The following ZNF407 variants were observed in gnomAD, a reference collection of about 807,000 sequenced individuals.
ZNF407 encodes zinc finger protein 407.
A neutral mutation model predicts 131.2 loss-of-function variants in ZNF407; 17 were observed. That is an observed-to-expected ratio of 0.13 (90% CI 0.09 to 0.19). ZNF407 has a LOEUF of 0.19. Among genes scored for constraint, ZNF407 ranks in the 10% least tolerant of loss-of-function variants. ZNF407 has a pLI of 1.00. For synonymous variants in ZNF407, 1,156 were observed against 1,062.0 expected, an observed-to-expected ratio of 1.09 and a Z score of -1.72; for missense variants, 2,681 against 2,830.6, an observed-to-expected ratio of 0.95 and a Z score of 1.20.
chr18:74,995,844 A>G (rs1972774493), intron 8 of ZNF407, among the ~76,000 whole-genome samples: 1 of 152,148 alleles, frequency 6.6e-6, no homozygotes, highest in Non-Finnish European at 1.5e-5. Flanking sequence ...GGAAATCTAT[A>G]TGCATTCAGA....
Position 74,635,821 on chromosome 18 carries a change from C to T in ZNF407, c.4687+115C>T. On this transcript the variant is annotated intron_variant, in intron 2 of 8. Coordinates refer to ENST00000299687, the MANE Select transcript of ZNF407 (RefSeq NM_017757.3). The surrounding 1 kb of genome is among the most constrained non-coding windows in gnomAD (Gnocchi z 4.7). Reference sequence around the variant, plus strand: ...GGCTTTCCACCCGGTTCACATTTCACTGCCGTGTGCTGCTCTGCTTGTCTG... The same window carrying T: ...GGCTTTCCACCCGGTTCACATTTCATTGCCGTGTGCTGCTCTGCTTGTCTG... The T allele has an allele frequency of 7.4e-7, 1 of 1,353,962 alleles. No individual in the cohort carries two copies. Among genetic ancestry groups the T allele is most frequent in the East Asian group, 2.3e-5 (1 of 42,832 alleles). 83.9% of individuals were successfully genotyped at this position (1,353,962 alleles called of 1,614,324 possible). A position where few individuals can be genotyped will look rare whatever the true frequency, so the allele number is the denominator to read the frequency against.
intron 3 of ZNF407, among the ~76,000 whole-genome samples, chr18:74,761,422 T>C (rs1227173497): frequency 6.6e-6 from 1 of 152,142 alleles, no homozygotes. Flanking sequence ...CTATATCCCT[T>C]AGCACAATTT....
Position 74,708,901 on chromosome 18 carries a change from T to C in ZNF407, c.4802+67779T>C, listed in dbSNP as rs554391042. On this transcript the variant is annotated intron_variant, in intron 3 of 8. Transcript: ENST00000299687. Reference sequence around the variant, plus strand: ...TGCCCAGGCATGGCGCATCAAAGTTTGTCAGCTGCATTGCCTCAGCAGGCT... The same window carrying C: ...TGCCCAGGCATGGCGCATCAAAGTTCGTCAGCTGCATTGCCTCAGCAGGCT... Among the ~76,000 whole-genome samples, 12 of 152,382 alleles carry C rather than the reference T, an allele frequency of 7.9e-5. No individual in the cohort carries two copies. The South Asian group carries it at 2.5e-3, about 32-fold the overall frequency.
At chr18:74,844,009 T>C (rs1221096800) in intron 4 of ZNF407, among the ~76,000 whole-genome samples, 1 of 152,142 alleles carries the variant, frequency 6.6e-6, no homozygotes, top group East Asian at 1.9e-4. Flanking sequence ...TAGATGAAAG[T>C]GTTGAATTTC....
At chr18:75,015,581 CATATAT>C (rs34475257) in intron 8 of ZNF407, among the ~76,000 whole-genome samples, 1 of 145,100 alleles carries the variant, frequency 6.9e-6, no homozygotes, top group Non-Finnish European at 1.5e-5. Context: ...TATATATTTA[CATATAT>C]ATATATATAT....
chr18:74,710,931 T>C (rs1189655872), intron 3 of ZNF407, among the ~76,000 whole-genome samples: 1 of 152,186 alleles, frequency 6.6e-6, no homozygotes, highest in African/African-American at 2.4e-5. Context: ...TCTAATGTCC[T>C]GTCAGAATGA....
At chr18:74,777,458 C>T (rs1969496555) in intron 3 of ZNF407, among the ~76,000 whole-genome samples, 1 of 152,094 alleles carries the variant, frequency 6.6e-6, no homozygotes, top group South Asian at 2.1e-4. Context: ...GTAGAGTTGG[C>T]CTCCTGTTCC....
intron 8 of ZNF407, among the ~76,000 whole-genome samples, chr18:74,938,861 A>G (rs766827222): frequency 6.6e-5 from 10 of 152,216 alleles, no homozygotes; most frequent in Non-Finnish European, 7.3e-5. Context: ...TCTGTTCACA[A>G]AGGAACTTGC....
chr18:74,783,842 T>C (rs1969655110), intron 4 of ZNF407, among the ~76,000 whole-genome samples: 1 of 152,230 alleles, frequency 6.6e-6, no homozygotes, highest in South Asian at 2.1e-4. Flanking sequence ...GAATTGTTTT[T>C]CCTTTTAAAA....
chr18:74,667,703 G>A (rs763038953), intron 3 of ZNF407, among the ~76,000 whole-genome samples: 4 of 152,150 alleles, frequency 2.6e-5, no homozygotes, highest in Non-Finnish European at 5.9e-5. Context: ...ATCTAAGGTC[G>A]TCTTGACAAG....
intron 3 of ZNF407, among the ~76,000 whole-genome samples, chr18:74,679,513 G>C (rs563128163): frequency 6.6e-6 from 1 of 152,302 alleles, no homozygotes; most frequent in Admixed American, 6.5e-5. Flanking sequence ...TGCATGCATT[G>C]AAAAATAATT....
intron 8 of ZNF407, among the ~76,000 whole-genome samples, chr18:75,026,921 G>C (rs535126409): frequency 6.6e-6 from 1 of 152,324 alleles, no homozygotes; most frequent in East Asian, 1.9e-4. Context: ...CCTGTGTGAA[G>C]TACAGGACTA....
At chr18:74,744,804 T>A (rs546913518) in intron 3 of ZNF407, among the ~76,000 whole-genome samples, 1 of 152,156 alleles carries the variant, frequency 6.6e-6, no homozygotes, top group Non-Finnish European at 1.5e-5. Flanking sequence ...ACATTACTAA[T>A]GTACTAAGCA....
chr18:75,033,030 A>G (rs1247418786), intron 8 of ZNF407, among the ~76,000 whole-genome samples: 12 of 124,688 alleles, frequency 9.6e-5, no homozygotes, highest in African/African-American at 1.3e-4. Flanking sequence ...ATAGTATTAG[A>G]TAACTAAGAC....
chr18:74,792,925 C>G lies in ZNF407; in HGVS notation c.4877+11423C>G, dbSNP rs1278099539. Among the ~76,000 whole-genome samples the G allele has an allele frequency of 2.6e-5, 4 of 152,314 alleles. No homozygotes were observed. In the East Asian group the frequency reaches 7.7e-4, roughly 29 times the overall value. ...TTACAGAATCTATGAGGCACTTCAT[C>G]AGATTAAAGAAAATATCTTTTATAT... On this transcript the variant is annotated intron_variant, in intron 4 of 8. Coordinates refer to ENST00000299687, the MANE Select transcript of ZNF407 (RefSeq NM_017757.3).
intron 4 of ZNF407, chr18:74,804,717 T>G: frequency 1.6e-6 from 1 of 642,502 alleles, no homozygotes; most frequent in Non-Finnish European, 1.9e-6. Context: ...ACCATGATTA[T>G]CTGATATTCT....
intron 8 of ZNF407, among the ~76,000 whole-genome samples, chr18:74,997,003 A>G (rs946030059): frequency 7.9e-5 from 12 of 152,340 alleles, no homozygotes; most frequent in Middle Eastern, 3.4e-3. Context: ...GGAGATTGTT[A>G]TTTTGTGTTA....
intron 4 of ZNF407, among the ~76,000 whole-genome samples, chr18:74,814,209 C>T (rs776080371): frequency 5.3e-5 from 8 of 152,130 alleles, no homozygotes; most frequent in Non-Finnish European, 8.8e-5. Context: ...AGTGATAGCT[C>T]CCTGTAACCT....
intron 3 of ZNF407, among the ~76,000 whole-genome samples, chr18:74,677,334 AC>A (rs1829395892): frequency 6.6e-6 from 1 of 152,036 alleles, no homozygotes; most frequent in Non-Finnish European, 1.5e-5. Flanking sequence ...CAAGTGATCC[AC>A]CCACCTTGGC....
Sources: gnomAD v4.1 joint callset for allele counts (sites outside exome capture counted in the v4.1 genomes callset) on GRCh38, gnomAD v4.1.1 for gene constraint, Gnocchi (gnomAD v3.1) non-coding constraint, MANE v1.5 for transcripts, NCBI Gene and HGNC (gene_info 2026-07-23, HGNC 2026-07-21) for gene names.